RIMS1: variants seen among roughly 807,000 people sequenced by gnomAD.
RIMS1 encodes the protein regulating synaptic membrane exocytosis 1, also known as regulating synaptic membrane exocytosis protein 1.
Under a neutral mutation model 214.1 loss-of-function variants are expected in RIMS1, and 83 were observed. The observed-to-expected ratio is 0.39, with a 90% CI of 0.32 to 0.47. The LOEUF is 0.47. Among genes scored for constraint, RIMS1 ranks in the 20% least tolerant of loss-of-function variants. The pLI, the probability that RIMS1 is intolerant of heterozygous loss-of-function variation, is 0.99. For synonymous variants in RIMS1, 793 were observed against 786.8 expected (o/e 1.01, Z -0.13); for missense variants, 2,050 against 2,161.8 (o/e 0.95, Z 1.03).
intron 2 of RIMS1, among the ~76,000 whole-genome samples, chr6:72,029,846 T>G (rs1204163716): frequency 6.6e-6 from 1 of 152,200 alleles, no homozygotes. Flanking sequence ...TTATATTTGT[T>G]GAGTGATGTC....
chr6:72,091,317 A>G (rs1394189332), intron 2 of RIMS1, among the ~76,000 whole-genome samples: 3 of 152,266 alleles, frequency 2.0e-5, no homozygotes, highest in Non-Finnish European at 4.4e-5. Flanking sequence ...GAAGAAAGGT[A>G]GAATTTTCTC....
Position 72,182,264 on chromosome 6 carries a change from C to T in RIMS1, c.813-20C>T. On this transcript the variant is annotated intron_variant, in intron 5 of 33. Coordinates refer to ENST00000521978, the MANE Select transcript of RIMS1 (RefSeq NM_014989.7). Reference sequence around the variant, plus strand: ...AGTCTTTATAAATTGCTCTCCTTGACGTTCCTTTGTATATCATAGAAAGAA... The same window carrying T: ...AGTCTTTATAAATTGCTCTCCTTGATGTTCCTTTGTATATCATAGAAAGAA... 1 of 1,537,174 alleles carries T rather than the reference C, an allele frequency of 6.5e-7. No homozygotes were observed. Among genetic ancestry groups the T allele is most frequent in the Non-Finnish European group, 8.7e-7 (1 of 1,146,786 alleles).
chr6:72,182,247 T>G, intron 5 of RIMS1, 37 bp from the exon 6 acceptor site: 1 of 1,521,208 alleles, frequency 6.6e-7, no homozygotes, highest in Non-Finnish European at 8.8e-7. Flanking sequence ...CTAGTCTTTA[T>G]AAATTGCTCT....
intron 4 of RIMS1, among the ~76,000 whole-genome samples, chr6:72,112,624 A>T (rs1252998160): frequency 6.6e-6 from 1 of 152,042 alleles, no homozygotes; most frequent in Non-Finnish European, 1.5e-5. Context: ...CTTTTCCTGG[A>T]ACATTATTTC....
intron 4 of RIMS1, among the ~76,000 whole-genome samples, chr6:72,145,460 A>C (rs760283181): frequency 6.6e-6 from 1 of 152,046 alleles, no homozygotes; most frequent in Non-Finnish European, 1.5e-5. Context: ...AAAAATACAA[A>C]AATTAGCTGG....
intron 2 of RIMS1, among the ~76,000 whole-genome samples, chr6:71,975,901 C>T (rs1429991944): frequency 6.6e-6 from 1 of 151,958 alleles, no homozygotes; most frequent in Non-Finnish European, 1.5e-5. Context: ...TACTTTATCC[C>T]TTTTATTGCC....
chr6:72,101,506 T>C (rs1031159903), intron 4 of RIMS1, among the ~76,000 whole-genome samples: 2 of 152,100 alleles, frequency 1.3e-5, no homozygotes, highest in South Asian at 4.1e-4. Flanking sequence ...TTAAATGAAA[T>C]ACTTTATTGC....
intron 6 of RIMS1, chr6:72,213,133 C>T: frequency 6.5e-7 from 1 of 1,536,908 alleles, no homozygotes; most frequent in Non-Finnish European, 8.7e-7. Context: ...ATGTGTGCAC[C>T]TGGGATTCAT....
intron 29 of RIMS1, among the ~76,000 whole-genome samples, chr6:72,381,547 A>G (rs2098488017): frequency 1.3e-5 from 2 of 152,264 alleles, no homozygotes; most frequent in Admixed American, 1.3e-4. Context: ...TTCAGTGTAT[A>G]CAAATCTCTT....
At chr6:72,125,032 G>A (rs544306284) in intron 4 of RIMS1, among the ~76,000 whole-genome samples, 1 of 152,274 alleles carries the variant, frequency 6.6e-6, no homozygotes, top group South Asian at 2.1e-4. Context: ...CTGGTGAGGA[G>A]CTGCAGTCCT....
intron 24 of RIMS1, among the ~76,000 whole-genome samples, 191 bp from the exon 25 acceptor site, chr6:72,290,488 C>T (rs1003644415): frequency 2.0e-5 from 3 of 152,222 alleles, no homozygotes; most frequent in Non-Finnish European, 4.4e-5. Flanking sequence ...TTAAAAACCA[C>T]ATGGCGTTCA....
intron 31 of RIMS1, among the ~76,000 whole-genome samples, chr6:72,396,527 T>C (rs181651279): frequency 6.6e-6 from 1 of 152,326 alleles, no homozygotes; most frequent in East Asian, 1.9e-4. Flanking sequence ...TTGCAGCATT[T>C]TTTTGTAGCA....
intron 1 of RIMS1, among the ~76,000 whole-genome samples, chr6:71,901,446 A>G (rs1373665229): frequency 1.3e-5 from 2 of 152,300 alleles, no homozygotes; most frequent in East Asian, 3.9e-4. Flanking sequence ...CAGGAATAAA[A>G]CATTGATACA....
chr6:72,062,820 T>C (rs189048107), intron 2 of RIMS1, among the ~76,000 whole-genome samples: 3 of 152,078 alleles, frequency 2.0e-5, no homozygotes, highest in African/African-American at 4.8e-5. Flanking sequence ...GTCCCTTGGT[T>C]TGTAGAGGCA....
At chr6:72,307,917 T>A (rs2095309625) in intron 27 of RIMS1, among the ~76,000 whole-genome samples, 1 of 152,196 alleles carries the variant, frequency 6.6e-6, no homozygotes, top group Admixed American at 6.5e-5. Context: ...TATTTGATAT[T>A]AAAATCACTT....
At chr6:72,101,926 G>T (rs964272498) in intron 4 of RIMS1, among the ~76,000 whole-genome samples, 10 of 151,850 alleles carry the variant, frequency 6.6e-5, no homozygotes, top group Admixed American at 1.3e-4. Context: ...ACTTTGTAAT[G>T]GGCATATGTA....
At chr6:72,213,310 A>G in intron 6 of RIMS1, 2 of 1,203,600 alleles carry the variant, frequency 1.7e-6, no homozygotes. Flanking sequence ...TCTATTTTCC[A>G]GTCAAAATAT....
intron 29 of RIMS1, among the ~76,000 whole-genome samples, chr6:72,339,903 A>G (rs2096991009): frequency 6.6e-6 from 1 of 151,940 alleles, no homozygotes; most frequent in Admixed American, 6.6e-5. Context: ...TCCCACCAAC[A>G]GTGTAAAAGT....
chr6:72,245,173 C>A (rs2068850420), intron 10 of RIMS1, among the ~76,000 whole-genome samples: 1 of 151,610 alleles, frequency 6.6e-6, no homozygotes, highest in Non-Finnish European at 1.5e-5. Context: ...AAGTCACTTT[C>A]TAACCATATG....
Sources: gnomAD v4.1 joint callset for allele counts (sites outside exome capture counted in the v4.1 genomes callset) on GRCh38, gnomAD v4.1.1 for gene constraint, MANE v1.5 for transcripts, NCBI Gene and HGNC (gene_info 2026-07-23, HGNC 2026-07-21) for gene names.